Variants in SH3RF1 observed in about 807,000 individuals in gnomAD.
SH3RF1 encodes E3 ubiquitin-protein ligase SH3RF1.
A neutral mutation model predicts 74.0 loss-of-function variants in SH3RF1; 32 were observed. The ratio of observed to expected loss-of-function variants is 0.43; its 90% CI spans 0.33 to 0.58. SH3RF1 has a LOEUF of 0.58. Among genes scored for constraint, SH3RF1 ranks in the 20% least tolerant of loss-of-function variants. The pLI, the probability that SH3RF1 is intolerant of heterozygous loss-of-function variation, is 0.05. For missense variants in SH3RF1, 954 were observed against 1,130.9 expected (o/e 0.84, Z 2.24); for synonymous variants, 396 against 439.6 (o/e 0.90, Z 1.24).
intron 5 of SH3RF1, among the ~76,000 whole-genome samples, chr4:169,130,530 G>A (rs2126951159): frequency 6.6e-6 from 1 of 152,272 alleles, no homozygotes; most frequent in East Asian, 1.9e-4. Context: ...TGAAGATCCT[G>A]TTAAGGTGGG....
intron 5 of SH3RF1, among the ~76,000 whole-genome samples, chr4:169,132,660 A>T (rs761402058): frequency 1.1e-4 from 16 of 151,542 alleles, no homozygotes; most frequent in Non-Finnish European, 2.1e-4. Flanking sequence ...CTCCTCTGCA[A>T]GAAAGGCTAA....
At chr4:169,212,035 T>C (rs1025413895) in intron 2 of SH3RF1, among the ~76,000 whole-genome samples, 1 of 151,010 alleles carries the variant, frequency 6.6e-6, no homozygotes, top group African/African-American at 2.4e-5. Flanking sequence ...TCTTGTTTTC[T>C]AATTTTTTTT....
Position 169,136,548 on chromosome 4 carries a change from A to C in SH3RF1, c.838T>G (p.Ser280Ala), listed in dbSNP as rs773493318. 1.2e-6 allele frequency: 2 copies of C among 1,605,704 alleles called. No homozygotes were observed. The highest frequency in any genetic ancestry group is 2.2e-5 in the South Asian group (2 of 90,314). Residue 280 changes from serine (S) to alanine (A), a missense_variant, in exon 5 of 12, where the codon TCC becomes GCC. Ser to Ala is a moderately conservative substitution (Grantham distance 99, BLOSUM62 1). Around this residue, in one of 3 missense-constraint regions of SH3RF1, gnomAD observed 854 missense variants for 962.5 expected, o/e 0.89. Transcript: ENST00000284637. ...PVPGVDAGEC[S>A]SAAAQSSTAP... Reference sequence around the variant, plus strand: ...GTGCTGCTCTGGGCTGCTGCCGAGGAACATTCTCCAGCATCAACTCCTGGC... The same window carrying C: ...GTGCTGCTCTGGGCTGCTGCCGAGGCACATTCTCCAGCATCAACTCCTGGC...
chr4:169,171,936 A>G (rs1734335579), intron 2 of SH3RF1, among the ~76,000 whole-genome samples: 1 of 152,222 alleles, frequency 6.6e-6, no homozygotes, highest in Non-Finnish European at 1.5e-5. Flanking sequence ...ACTGCAGTGA[A>G]TCATGTTTAT....
intron 2 of SH3RF1, among the ~76,000 whole-genome samples, chr4:169,183,307 G>A (rs1044515315): frequency 6.6e-5 from 10 of 152,144 alleles, no homozygotes; most frequent in Admixed American, 6.5e-4. Context: ...CTCAGACAAA[G>A]TCTCGCTCTT....
intron 2 of SH3RF1, among the ~76,000 whole-genome samples, chr4:169,208,163 T>C (rs984304275): frequency 5.9e-5 from 9 of 151,790 alleles, no homozygotes; most frequent in African/African-American, 2.2e-4. Context: ...TTTTTTTTTT[T>C]CCTAAAAGGA....
chr4:169,250,079 A>C (rs1002504456), intron 2 of SH3RF1, among the ~76,000 whole-genome samples: 4 of 152,378 alleles, frequency 2.6e-5, no homozygotes, highest in East Asian at 1.9e-4. Context: ...AAACAGTTTT[A>C]GGTACAAAAA....
At chr4:169,149,367 T>C (rs1344864508) in intron 4 of SH3RF1, among the ~76,000 whole-genome samples, 3 of 152,206 alleles carry the variant, frequency 2.0e-5, no homozygotes, top group Non-Finnish European at 4.4e-5. Context: ...CTTTTCCTTC[T>C]ATTGTTCTGG....
chr4:169,167,719 G>T (rs1481954714), intron 2 of SH3RF1, among the ~76,000 whole-genome samples: 1 of 152,168 alleles, frequency 6.6e-6, no homozygotes, highest in East Asian at 1.9e-4. Context: ...GTGGGCAAAT[G>T]AGTGAAAGAG....
At chr4:169,202,615 A>G (rs1734929191) in intron 2 of SH3RF1, among the ~76,000 whole-genome samples, 1 of 152,238 alleles carries the variant, frequency 6.6e-6, no homozygotes, top group Non-Finnish European at 1.5e-5. Context: ...CAAGGGTAGT[A>G]AATACCTACC....
intron 2 of SH3RF1, among the ~76,000 whole-genome samples, chr4:169,256,428 G>A (rs919407767): frequency 1.2e-4 from 18 of 152,162 alleles, no homozygotes; most frequent in African/African-American, 3.9e-4. Context: ...CACTATAGTC[G>A]TAAAACCAGA....
intron 2 of SH3RF1, among the ~76,000 whole-genome samples, chr4:169,264,112 G>T (rs1295367044): frequency 1.3e-5 from 2 of 152,198 alleles, no homozygotes; most frequent in Non-Finnish European, 2.9e-5. Context: ...GTTGGCTAGG[G>T]CTACTACATC....
intron 2 of SH3RF1, among the ~76,000 whole-genome samples, chr4:169,218,388 TATTATAGAA>T (rs1730502677): frequency 7.1e-6 from 1 of 141,060 alleles, no homozygotes; most frequent in Admixed American, 7.3e-5. Flanking sequence ...AGAATATATA[TATTATAGAA>T]TATAGAATAT....
chr4:169,163,686 T>C (rs1734188279), intron 2 of SH3RF1, among the ~76,000 whole-genome samples: 1 of 152,152 alleles, frequency 6.6e-6, no homozygotes, highest in African/African-American at 2.4e-5. Flanking sequence ...TCCATTTGGA[T>C]TGTCTGTTCC....
At chr4:169,155,697 T>C (rs890140803) in intron 3 of SH3RF1, 122 bp from the exon 4 acceptor site, 97 of 721,410 alleles carry the variant, frequency 1.3e-4, no homozygotes, top group African/African-American at 1.3e-3. Flanking sequence ...AAAAATGCTA[T>C]GACATATCTT....
At chr4:169,240,793 G>A (rs561744193) in intron 2 of SH3RF1, among the ~76,000 whole-genome samples, 1 of 152,258 alleles carries the variant, frequency 6.6e-6, no homozygotes, top group Non-Finnish European at 1.5e-5. Flanking sequence ...GCACTTGCCT[G>A]TTTTATTCAT....
intron 2 of SH3RF1, among the ~76,000 whole-genome samples, chr4:169,203,340 C>T (rs1420564352): frequency 3.3e-5 from 5 of 152,096 alleles, no homozygotes; most frequent in South Asian, 2.1e-4. Flanking sequence ...CGCTTGAATC[C>T]AGGAGTTCCA....
chr4:169,189,621 C>T (rs72706490), intron 2 of SH3RF1, among the ~76,000 whole-genome samples: 17,181 of 152,160 alleles, frequency 0.11, 990 homozygotes, highest in Middle Eastern at 0.16. Context: ...CCAGTGGTGG[C>T]CTATGCTGTT....
At position 169,190,242 on chromosome 4, in the gene SH3RF1, T is replaced by C. The variant is rs1316791587; in HGVS notation, c.394-33563A>G. On this transcript the variant is annotated intron_variant, in intron 2 of 11. Coordinates refer to ENST00000284637, the MANE Select transcript of SH3RF1 (RefSeq NM_020870.4). ...AAGATCAGAGCAGAAGCAAATGAAA[T>C]TGAAACAAACAAAAAATACAAAAGA... 2.0e-5 allele frequency among the ~76,000 whole-genome samples: 3 copies of C among 151,950 alleles called. No individual in the cohort carries two copies. The East Asian group carries it at 5.8e-4, about 29-fold the overall frequency.
Sources: gnomAD v4.1 joint callset for allele counts (sites outside exome capture counted in the v4.1 genomes callset) on GRCh38, gnomAD v4.1.1 for gene constraint, gnomAD v4.1.1 regional missense constraint, MANE v1.5 for transcripts, NCBI Gene and HGNC (gene_info 2026-07-23, HGNC 2026-07-21) for gene names.